Variants in CCSER1 observed in about 807,000 individuals in gnomAD.
CCSER1 encodes the protein coiled-coil serine rich protein 1.
Under a neutral mutation model 82.0 loss-of-function variants are expected in CCSER1, and 41 were observed. The ratio of observed to expected loss-of-function variants is 0.50; its 90% CI spans 0.39 to 0.65. The LOEUF is 0.65. CCSER1 is among the 30% of genes least tolerant of loss of function. CCSER1 has a pLI of 0.00. For synonymous variants in CCSER1, 414 were observed against 383.9 expected, an observed-to-expected ratio of 1.08 and a Z score of -0.92; for missense variants, 1,119 against 1,064.2, an observed-to-expected ratio of 1.05 and a Z score of -0.72.
intron 4 of CCSER1, among the ~76,000 whole-genome samples, chr4:90,418,400 A>G (rs572672986): frequency 2.0e-5 from 3 of 152,178 alleles, no homozygotes; most frequent in African/African-American, 7.2e-5. Flanking sequence ...AATTTTAAGT[A>G]TAGAATGCCA....
At position 90,582,384 on chromosome 4, in the gene CCSER1, A is replaced by G. The variant is rs527425640; in HGVS notation, c.1725-45641A>G. ...AATAGTCAAGAACAAAGGCATAGAT[A>G]TTAGTTAGGAACTCTTTAAATTTCT... On this transcript the variant is annotated intron_variant, in intron 5 of 10. Coordinates refer to ENST00000509176, the MANE Select transcript of CCSER1 (RefSeq NM_001145065.2). 2.4e-4 allele frequency among the ~76,000 whole-genome samples: 36 copies of G among 152,314 alleles called. No individual in the cohort carries two copies. In the South Asian group the frequency reaches 6.2e-3, roughly 26 times the overall value.
intron 8 of CCSER1, among the ~76,000 whole-genome samples, chr4:90,901,848 G>A (rs1451884190): frequency 2.6e-5 from 4 of 151,962 alleles, no homozygotes; most frequent in Non-Finnish European, 5.9e-5. Flanking sequence ...CTCTAGAAAG[G>A]TTAGGGAAAT....
At chr4:90,438,116 A>C (rs1344524091) in intron 4 of CCSER1, among the ~76,000 whole-genome samples, 1 of 152,210 alleles carries the variant, frequency 6.6e-6, no homozygotes, top group Non-Finnish European at 1.5e-5. Flanking sequence ...TACTTGATAC[A>C]GAAAAGTCAA....
At chr4:90,183,923 T>G (rs1734147683) in intron 1 of CCSER1, among the ~76,000 whole-genome samples, 1 of 152,076 alleles carries the variant, frequency 6.6e-6, no homozygotes, top group South Asian at 2.1e-4. Flanking sequence ...GACAAATAAA[T>G]AAATAATACC....
intron 4 of CCSER1, among the ~76,000 whole-genome samples, chr4:90,453,600 C>T (rs1046769970): frequency 3.3e-5 from 5 of 152,082 alleles, no homozygotes; most frequent in African/African-American, 1.2e-4. Context: ...TAATATTGGT[C>T]TCTACTATGG....
intron 8 of CCSER1, among the ~76,000 whole-genome samples, chr4:90,819,539 G>T (rs962395149): frequency 2.0e-5 from 3 of 151,922 alleles, no homozygotes; most frequent in African/African-American, 7.3e-5. Flanking sequence ...TTTATTGCTG[G>T]GTGGGTAGAT....
chr4:91,351,402 T>C (rs1023286108), intron 10 of CCSER1, among the ~76,000 whole-genome samples: 3 of 152,088 alleles, frequency 2.0e-5, no homozygotes, highest in Non-Finnish European at 4.4e-5. Context: ...TCTTAATCTT[T>C]GAGTTTCTTC....
intron 3 of CCSER1, among the ~76,000 whole-genome samples, chr4:90,354,095 T>C (rs962648379): frequency 3.3e-5 from 5 of 152,162 alleles, no homozygotes; most frequent in African/African-American, 1.2e-4. Context: ...TATATTAATG[T>C]AATGAAATAC....
At chr4:90,197,218 A>G (rs1736782690) in intron 1 of CCSER1, among the ~76,000 whole-genome samples, 1 of 152,116 alleles carries the variant, frequency 6.6e-6, no homozygotes, top group Non-Finnish European at 1.5e-5. Flanking sequence ...AAAGAGATGG[A>G]TAGGTTAAGG....
chr4:91,073,095 T>C (rs913628774), intron 9 of CCSER1, among the ~76,000 whole-genome samples: 4 of 152,122 alleles, frequency 2.6e-5, no homozygotes, highest in African/African-American at 4.8e-5. Context: ...AAGCTTCCAG[T>C]GAATGGCTTA....
chr4:90,942,145 T>G (rs144225776), intron 9 of CCSER1, among the ~76,000 whole-genome samples: 7,066 of 152,158 alleles, frequency 0.046, 533 homozygotes, highest in African/African-American at 0.16. Flanking sequence ...AGATGGGGTT[T>G]CACCATGTTG....
chr4:90,636,199 G>T (rs1183075769), intron 6 of CCSER1, among the ~76,000 whole-genome samples: 2 of 151,628 alleles, frequency 1.3e-5, no homozygotes, highest in Non-Finnish European at 1.5e-5. Context: ...TAACATAAAT[G>T]ACAAAAACAA....
At chr4:90,389,273 A>T (rs1443105603) in intron 3 of CCSER1, among the ~76,000 whole-genome samples, 1 of 152,234 alleles carries the variant, frequency 6.6e-6, no homozygotes, top group Non-Finnish European at 1.5e-5. Context: ...AGTGAGGCTG[A>T]CATGACAACT....
intron 8 of CCSER1, among the ~76,000 whole-genome samples, chr4:90,841,414 T>C (rs1471623313): frequency 6.6e-6 from 1 of 151,394 alleles, no homozygotes; most frequent in African/African-American, 2.4e-5. Context: ...CCGTCTCTAC[T>C]AAAAATACAA....
chr4:91,217,508 G>A (rs1022667020), intron 10 of CCSER1, among the ~76,000 whole-genome samples: 3 of 152,160 alleles, frequency 2.0e-5, no homozygotes, highest in African/African-American at 7.2e-5. Context: ...ACAGGGTGCT[G>A]ATTGTTGTGT....
intron 3 of CCSER1, among the ~76,000 whole-genome samples, chr4:90,350,723 G>T (rs749018522): frequency 6.6e-6 from 1 of 151,996 alleles, no homozygotes; most frequent in African/African-American, 2.4e-5. Context: ...TATAAAACGG[G>T]AAAGATGATT....
In CCSER1 at chr4:90,929,940, C is replaced by G. The variant is rs533132125; in HGVS notation, c.2172+6493C>G. Among the ~76,000 whole-genome samples the G allele has an allele frequency of 1.4e-4, 21 of 152,140 alleles. No homozygotes were observed. In the East Asian group the frequency reaches 3.5e-3, roughly 25 times the overall value. On this transcript the variant is annotated intron_variant, in intron 9 of 10. Transcript: ENST00000509176. ...GTTAATTTGTTTGATTTAATCATTC[C>G]ACATTGTATACATATATCAATATCA... is the stretch of plus-strand genomic sequence containing the variant.
intron 1 of CCSER1, among the ~76,000 whole-genome samples, chr4:90,267,325 T>C (rs1168686071): frequency 2.0e-5 from 3 of 152,028 alleles, no homozygotes; most frequent in Admixed American, 6.6e-5. Context: ...TCAGCCACAG[T>C]AGAACAGAGA....
intron 1 of CCSER1, among the ~76,000 whole-genome samples, chr4:90,290,631 C>T (rs1017065597): frequency 6.6e-6 from 1 of 151,930 alleles, no homozygotes; most frequent in African/African-American, 2.4e-5. Context: ...GTCTCTCTCT[C>T]TCTCGCTCGC....
Sources: gnomAD v4.1 joint callset for allele counts (sites outside exome capture counted in the v4.1 genomes callset) on GRCh38, gnomAD v4.1.1 for gene constraint, MANE v1.5 for transcripts, NCBI Gene and HGNC (gene_info 2026-07-23, HGNC 2026-07-21) for gene names.